Variants in ADGRD1 observed in about 807,000 individuals in gnomAD.
ADGRD1 encodes the protein G-protein coupled receptor 133.
A neutral mutation model predicts 113.4 loss-of-function variants in ADGRD1; 77 were observed. That is an observed-to-expected ratio of 0.68 (90% CI 0.57 to 0.82). The LOEUF (loss-of-function observed/expected upper bound fraction) is 0.82, where lower values mean the gene tolerates loss of function less well. Among genes scored for constraint, ADGRD1 ranks in the 40% least tolerant of loss-of-function variants. ADGRD1 has a pLI of 0.00. For synonymous variants in ADGRD1, 474 were observed against 475.0 expected (o/e 1.00, Z 0.03); for missense variants, 1,036 against 1,139.1 (o/e 0.91, Z 1.30).
At chr12:130,989,061 C>A (rs1468033486) in intron 6 of ADGRD1, 1 of 152,146 alleles carries the variant, frequency 6.6e-6, no homozygotes, top group African/African-American at 2.4e-5. Context: ...CTACAGCCTT[C>A]GACATTTACA....
intron 11 of ADGRD1, 146 bp downstream of exon 11, chr12:131,004,442 C>CGG: frequency 5.8e-5 from 19 of 325,398 alleles, no homozygotes; most frequent in Middle Eastern, 6.8e-4. Context: ...ACTGCCTGTC[C>CGG]TGTCCTGCAG....
chr12:131,046,401 G>GTGTCCTCCCT (rs1217940705), intron 13 of ADGRD1, among the ~76,000 whole-genome samples: 1 of 124,342 alleles, frequency 8.0e-6, no homozygotes, highest in African/African-American at 3.1e-5. Flanking sequence ...TCCCTGGTCA[G>GTGTCCTCCCT]GGTCCTCCCT....
Position 131,121,013 on chromosome 12 carries a change from C to T in ADGRD1, c.2175+100C>T, listed in dbSNP as rs543422690. 83 of 1,055,496 alleles carry T rather than the reference C, an allele frequency of 7.9e-5. 2 individuals carry two copies. In the South Asian group the frequency reaches 8.7e-4, roughly 11 times the overall value. The allele number at this position is 1,055,496 out of a possible 1,614,324, so 65.4% of individuals were successfully genotyped here. ...TGGCGGGGGGCTCCCTGAGGAGCTTCCGAAGGATGCAGCGTCGTTCCTCGG... is the reference window on the plus strand; with the variant it reads ...TGGCGGGGGGCTCCCTGAGGAGCTTTCGAAGGATGCAGCGTCGTTCCTCGG... On this transcript the variant is annotated intron_variant, in intron 20 of 24. Transcript: ENST00000261654.
At chr12:131,012,277 A>AT (rs11414277) in intron 12 of ADGRD1, among the ~76,000 whole-genome samples, 95,324 of 147,200 alleles carry the variant, frequency 0.65, 30,836 homozygotes, top group East Asian at 0.82. Flanking sequence ...CTTTCTTTTC[A>AT]TTTTTTTTTT....
chr12:131,007,568 C>T (rs1421388086), intron 12 of ADGRD1, among the ~76,000 whole-genome samples: 1 of 152,210 alleles, frequency 6.6e-6, no homozygotes, highest in East Asian at 1.9e-4. Flanking sequence ...TCCTCACGGA[C>T]CCAGGTGTCT....
intron 12 of ADGRD1, among the ~76,000 whole-genome samples, chr12:131,013,909 G>A (rs542532593): frequency 3.9e-5 from 6 of 152,272 alleles, no homozygotes; most frequent in African/African-American, 1.2e-4. Context: ...TGAGGTCGAG[G>A]GCTCTGTCTC....
At chr12:131,018,057 C>A (rs143466053) in intron 13 of ADGRD1, among the ~76,000 whole-genome samples, 1 of 152,176 alleles carries the variant, frequency 6.6e-6, no homozygotes, top group Non-Finnish European at 1.5e-5. Context: ...CTTGCAGGGC[C>A]GGCAGGTAGG....
At chr12:131,125,581 C>T (rs567271839) in intron 20 of ADGRD1, among the ~76,000 whole-genome samples, 13 of 152,098 alleles carry the variant, frequency 8.5e-5, no homozygotes, top group Non-Finnish European at 1.6e-4. Context: ...CAGATATAGG[C>T]AGATACATGG....
At chr12:131,040,433 C>G (rs1053054957) in intron 13 of ADGRD1, among the ~76,000 whole-genome samples, 1 of 152,200 alleles carries the variant, frequency 6.6e-6, no homozygotes, top group African/African-American at 2.4e-5. Flanking sequence ...AAGCAGTAAT[C>G]TCCATAAAAT....
chr12:131,022,806 C>T lies in ADGRD1; in HGVS notation c.1473+8466C>T, dbSNP rs1259851753. 3.3e-5 allele frequency: 5 copies of T among 151,558 alleles called. No homozygotes were observed. The highest frequency in any genetic ancestry group is 2.1e-4 in the South Asian group (1 of 4,774). 9.4% of individuals were successfully genotyped at this position (151,558 alleles called of 1,614,324 possible). ...ACAGGCGTGCTCATTTCTGCTGGAG[C>T]GTCACTGTTCTCAGTCCTCTCTCGG... On this transcript the variant is annotated intron_variant, in intron 13 of 24. Coordinates refer to ENST00000261654, the MANE Select transcript of ADGRD1 (RefSeq NM_198827.5). This position sits in a 1 kb window ranked among gnomAD's most constrained non-coding sequence, Gnocchi z 4.6.
intron 15 of ADGRD1, among the ~76,000 whole-genome samples, chr12:131,089,758 G>A (rs1886777532): frequency 6.6e-6 from 1 of 152,236 alleles, no homozygotes; most frequent in African/African-American, 2.4e-5. Context: ...CACGAGTGAG[G>A]TGCTGTCATG....
In ADGRD1 at chr12:131,091,707, C is replaced by T. The variant is rs555532776; in HGVS notation, c.1671+7044C>T. Among the ~76,000 whole-genome samples, 20 of 147,042 alleles carry T rather than the reference C, an allele frequency of 1.4e-4. No individual in the cohort carries two copies. The South Asian group carries it at 3.4e-3, about 25-fold the overall frequency. ...ATTCAAGGTTGTTAGTGGGCCGGGG[C>T]GAGGAGGGGGCCACAGAGGTGAGGC... On this transcript the variant is annotated intron_variant, in intron 15 of 24. Transcript: ENST00000261654.
chr12:130,980,731 T>C (rs1232857541), intron 4 of ADGRD1: 1 of 152,196 alleles, frequency 6.6e-6, no homozygotes. Flanking sequence ...CATGGAGAAA[T>C]CCCACATGAG....
chr12:131,043,792 G>T (rs1018149415), intron 13 of ADGRD1, among the ~76,000 whole-genome samples: 3 of 152,266 alleles, frequency 2.0e-5, no homozygotes, highest in African/African-American at 4.8e-5. Flanking sequence ...CATAGTGACT[G>T]GAGGGCGGGG....
intron 13 of ADGRD1, among the ~76,000 whole-genome samples, chr12:131,071,834 G>A (rs1354425862): frequency 6.6e-6 from 1 of 151,598 alleles, no homozygotes; most frequent in Non-Finnish European, 1.5e-5. Flanking sequence ...TCTGGTCCAC[G>A]CTGTACCCTC....
At chr12:131,052,041 A>G (rs891457212) in intron 13 of ADGRD1, among the ~76,000 whole-genome samples, 2 of 152,224 alleles carry the variant, frequency 1.3e-5, no homozygotes, top group African/African-American at 4.8e-5. Context: ...CACATCTTTC[A>G]TAACCCTGCA....
intron 13 of ADGRD1, among the ~76,000 whole-genome samples, chr12:131,036,616 C>T (rs1281126092): frequency 6.7e-6 from 1 of 149,232 alleles, no homozygotes; most frequent in Admixed American, 6.7e-5. Flanking sequence ...GGGCCTCACT[C>T]ACCGCACCAG....
Position 131,084,938 on chromosome 12 carries a change from G to GA in ADGRD1, c.1671+276dup, listed in dbSNP as rs746957261. On this transcript the variant is annotated intron_variant, in intron 15 of 24. Transcript: ENST00000261654. The surrounding 1 kb of genome is among the most constrained non-coding windows in gnomAD (Gnocchi z 4.5). ...GCAACGCCCAGACTGCACCTGGGGG[G>GA]ATCCAAGGAGGGACCCCTCATCCCT... is the stretch of plus-strand genomic sequence containing the variant. 2.6e-5 allele frequency among the ~76,000 whole-genome samples: 4 copies of GA among 152,248 alleles called. No homozygotes were observed. Among genetic ancestry groups the GA allele is most frequent in the East Asian group, 1.9e-4 (1 of 5,194 alleles).
intron 4 of ADGRD1, among the ~76,000 whole-genome samples, chr12:130,976,369 C>T (rs1872310432): frequency 6.6e-6 from 1 of 152,136 alleles, no homozygotes; most frequent in African/African-American, 2.4e-5. Flanking sequence ...TGAGCTGCCA[C>T]GATGCTGTGG....
Sources: gnomAD v4.1 joint callset for allele counts (sites outside exome capture counted in the v4.1 genomes callset) on GRCh38, gnomAD v4.1.1 for gene constraint, Gnocchi (gnomAD v3.1) non-coding constraint, MANE v1.5 for transcripts, NCBI Gene and HGNC (gene_info 2026-07-23, HGNC 2026-07-21) for gene names.